MAPT: variants seen among roughly 807,000 people sequenced by gnomAD.
MAPT encodes the protein microtubule-associated protein tau.
Under a neutral mutation model 67.9 loss-of-function variants are expected in MAPT, and 34 were observed. The ratio of observed to expected loss-of-function variants is 0.50; its 90% CI spans 0.38 to 0.67. MAPT has a LOEUF of 0.67. Among genes scored for constraint, MAPT ranks in the 30% least tolerant of loss-of-function variants. The pLI is 0.00. For missense variants in MAPT, 881 were observed against 1,115.2 expected (o/e 0.79, Z 2.99); for synonymous variants, 456 against 464.5 (o/e 0.98, Z 0.23).
chr17:46,014,831 A>C (rs1032631484), intron 11 of MAPT, among the ~76,000 whole-genome samples: 1 of 150,826 alleles, frequency 6.6e-6, no homozygotes, highest in African/African-American at 2.4e-5. Flanking sequence ...CGGAGTGAGC[A>C]GAGATCGCGC....
rs62056854 is a variant in MAPT at position 45,915,523 on chromosome 17, C to G, written c.-18+20837C>G. ...GTGTGAGCATGTGTGTGTGATGTGTCTGTGTGTGGTGTGTGTGAGCATGTG... is the reference window on the plus strand; with the variant it reads ...GTGTGAGCATGTGTGTGTGATGTGTGTGTGTGTGGTGTGTGTGAGCATGTG... On this transcript the variant is annotated intron_variant, in intron 1 of 12. Coordinates refer to ENST00000262410, the MANE Select transcript of MAPT (RefSeq NM_001377265.1). The surrounding 1 kb of genome is among the most constrained non-coding windows in gnomAD (Gnocchi z 4.4). Among the ~76,000 whole-genome samples, 23 of 107,284 alleles carry G rather than the reference C, an allele frequency of 2.1e-4. No homozygotes were observed. The highest frequency in any genetic ancestry group is 6.6e-4 in the African/African-American group (23 of 34,922). The allele number at this position is 107,284 out of a possible 152,430, so 70.4% of individuals were successfully genotyped here.
chr17:45,942,135 A>G (rs2068055614), intron 1 of MAPT, among the ~76,000 whole-genome samples: 1 of 152,238 alleles, frequency 6.6e-6, no homozygotes, highest in African/African-American at 2.4e-5. Context: ...AATCTCCCTA[A>G]TTGTATTTCT....
At chr17:45,916,366 GTTTA>G (rs780081152) in intron 1 of MAPT, among the ~76,000 whole-genome samples, 6 of 152,212 alleles carry the variant, frequency 3.9e-5, no homozygotes, top group Non-Finnish European at 8.8e-5. Flanking sequence ...CTGCCCCGCT[GTTTA>G]TTAATTAAGG....
chr17:45,920,052 T>C (rs2144369730), intron 1 of MAPT, among the ~76,000 whole-genome samples: 1 of 152,352 alleles, frequency 6.6e-6, no homozygotes, highest in South Asian at 2.1e-4. Context: ...CTGGCTGCCA[T>C]AGACAGGGAA....
At chr17:45,918,351 T>C (rs1008493967) in intron 1 of MAPT, among the ~76,000 whole-genome samples, 3 of 152,142 alleles carry the variant, frequency 2.0e-5, no homozygotes, top group African/African-American at 7.2e-5. Flanking sequence ...CAGTAAGATG[T>C]GGTGGAAAGG....
At chr17:45,991,054 C>A (rs1160624601) in intron 7 of MAPT, among the ~76,000 whole-genome samples, 1 of 152,210 alleles carries the variant, frequency 6.6e-6, no homozygotes, top group East Asian at 1.9e-4. Flanking sequence ...TCTGGTGGAG[C>A]CAACCACCAT....
chr17:45,984,359 A>G (rs1281020132), intron 5 of MAPT, among the ~76,000 whole-genome samples: 2 of 152,268 alleles, frequency 1.3e-5, no homozygotes, highest in Non-Finnish European at 2.9e-5. Flanking sequence ...ACGGAGGCTC[A>G]GAGAAGTACA....
Position 46,024,413 on chromosome 17 carries a change from A to T in MAPT, c.*242A>T, listed in dbSNP as rs3209489. On this transcript the variant is annotated 3_prime_UTR_variant, in exon 13 of 13. Transcript: ENST00000262410. The stretch of plus-strand genomic sequence containing the variant: ...TGGGTGGGCTAGTAATAAAATATTT[A>T]AAAAAAAACATTCAAAAACATGGCC... 4.1e-4 allele frequency: 230 copies of T among 562,426 alleles called. No homozygotes were observed. The highest frequency in any genetic ancestry group is 2.4e-3 in the Middle Eastern group (5 of 2,104). 34.8% of individuals were successfully genotyped at this position (562,426 alleles called of 1,614,324 possible). A position where few individuals can be genotyped will look rare whatever the true frequency, so the allele number is the denominator to read the frequency against.
chr17:46,002,813 T>G (rs925184134), intron 9 of MAPT, among the ~76,000 whole-genome samples: 2 of 152,140 alleles, frequency 1.3e-5, no homozygotes, highest in African/African-American at 4.8e-5. Context: ...GACAGAGTCT[T>G]GCTGGGTTGC....
intron 1 of MAPT, among the ~76,000 whole-genome samples, chr17:45,903,945 AT>A (rs1206505688): frequency 5.9e-5 from 1 of 16,880 alleles, no homozygotes; most frequent in African/African-American, 2.1e-4. Context: ...TTTATATATA[AT>A]ATATATTATA....
At chr17:45,926,652 A>C (rs973807575) in intron 1 of MAPT, among the ~76,000 whole-genome samples, 1 of 152,182 alleles carries the variant, frequency 6.6e-6, no homozygotes, top group Non-Finnish European at 1.5e-5. Context: ...TTATTGGACA[A>C]TTAGAGAAAT....
chr17:45,986,027 G>A (rs17572795), intron 5 of MAPT, among the ~76,000 whole-genome samples: 22,063 of 152,256 alleles, frequency 0.14, 2,143 homozygotes, highest in Non-Finnish European at 0.22. Flanking sequence ...AGCAGTGACT[G>A]TCAAGAGAAG....
At chr17:45,901,390 C>A (rs1322172422) in intron 1 of MAPT, among the ~76,000 whole-genome samples, 1 of 152,016 alleles carries the variant, frequency 6.6e-6, no homozygotes, top group African/African-American at 2.4e-5. Flanking sequence ...TCAGGGAAGG[C>A]GAAGGAGGTA....
chr17:45,993,795 G>A, intron 8 of MAPT: 1 of 853,278 alleles, frequency 1.2e-6, no homozygotes, highest in Non-Finnish European at 1.9e-6. Context: ...CTCCCCCTTG[G>A]GCCCCTCGAC....
chr17:45,984,228 T>C lies in MAPT; in HGVS notation c.1351+298T>C, dbSNP rs184857932. On this transcript the variant is annotated intron_variant, in intron 5 of 12. Transcript: ENST00000262410. ...CACTTGATTTGTCCACAACGGCCCATCAGCCCACAGGAGGTTTGGTGGGTG... is the reference window on the plus strand; with the variant it reads ...CACTTGATTTGTCCACAACGGCCCACCAGCCCACAGGAGGTTTGGTGGGTG... Among the ~76,000 whole-genome samples, 247 of 149,720 alleles carry C rather than the reference T, an allele frequency of 1.6e-3. 1 individual carries two copies. Among genetic ancestry groups the C allele is most frequent in the African/African-American group, 5.7e-3 (237 of 41,490 alleles).
intron 1 of MAPT, among the ~76,000 whole-genome samples, chr17:45,949,449 G>T (rs2068841184): frequency 6.6e-6 from 1 of 152,230 alleles, no homozygotes; most frequent in Non-Finnish European, 1.5e-5. Flanking sequence ...TCCCAAAGGG[G>T]TTGCTCTGTT....
At chr17:45,975,089 T>C (rs564048339) in intron 3 of MAPT, 23 of 153,190 alleles carry the variant, frequency 1.5e-4, no homozygotes, top group African/African-American at 4.8e-4. Flanking sequence ...AAGGCTGCAG[T>C]CACCCAAGAG....
rs1240143429 is a variant in MAPT, at chr17:45,983,374, C to T, written c.795C>T (p.His265=). Residue 265 remains histidine (H), a synonymous_variant, in exon 5 of 13, where the codon CAC becomes CAT. Transcript: ENST00000262410. ...GCCACGCCCCTGAGCTGCTCAAGCA[C>T]CAGCTTCTAGGAGACCTGCACCAGG... The part of the protein sequence containing the change: ...GGRHAPELLK[H]QLLGDLHQEG... 1 of 1,609,574 alleles carries T rather than the reference C, an allele frequency of 6.2e-7. No individual in the cohort carries two copies. The highest frequency in any genetic ancestry group is 1.7e-5 in the Admixed American group (1 of 59,726).
intron 1 of MAPT, among the ~76,000 whole-genome samples, chr17:45,958,406 G>A (rs2069975758): frequency 6.6e-6 from 1 of 152,168 alleles, no homozygotes; most frequent in South Asian, 2.1e-4. Context: ...TAAGCACTGA[G>A]ACCTGAACAG....
Sources: allele counts gnomAD v4.1 joint callset (sites outside exome capture counted in the v4.1 genomes callset), GRCh38; gene constraint gnomAD v4.1.1; non-coding constraint Gnocchi (gnomAD v3.1); transcripts MANE v1.5; gene names NCBI Gene and HGNC (gene_info 2026-07-23, HGNC 2026-07-21).